SLC2A14: variants seen among roughly 807,000 people sequenced by gnomAD.
SLC2A14 encodes the protein solute carrier family 2, facilitated glucose transporter member 14.
Under a neutral mutation model 43.0 loss-of-function variants are expected in SLC2A14, and 13 were observed. That is an observed-to-expected ratio of 0.30 (90% CI 0.20 to 0.48). SLC2A14 has a LOEUF of 0.48. Ranked by LOEUF, SLC2A14 falls within the 20% of genes least tolerant of loss-of-function variation. SLC2A14 has a pLI of 0.99. For synonymous variants in SLC2A14, 190 were observed against 233.8 expected (o/e 0.81, Z 1.71); for missense variants, 428 against 620.4 (o/e 0.69, Z 3.29).
At chr12:7,867,235 CGT>C (rs1170123573) in intron 2 of SLC2A14, among the ~76,000 whole-genome samples, 3 of 140,446 alleles carry the variant, frequency 2.1e-5, no homozygotes, top group African/African-American at 7.9e-5. Context: ...GCGGAGATCT[CGT>C]GCCACTGCAC....
chr12:7,858,498 T>G (rs1176155065), intron 2 of SLC2A14, among the ~76,000 whole-genome samples: 1 of 152,144 alleles, frequency 6.6e-6, no homozygotes, highest in Non-Finnish European at 1.5e-5. Context: ...AATTTTAATT[T>G]TCTTTTCTTT....
At chr12:7,874,788 A>ATATATAAATACATATATAAATACGTATTT (rs1945393959), upstream of SLC2A14, among the ~76,000 whole-genome samples, 2 of 48,856 alleles carry the variant, frequency 4.1e-5, no homozygotes, top group African/African-American at 1.3e-4. Flanking sequence ...TAAATATATA[A>ATATATAAATACATATATAAATACGTATTT]ATATATAAAT....
At chr12:7,880,408 G>A (rs1945545880) in intron 1 of SLC2A14, among the ~76,000 whole-genome samples, 1 of 151,650 alleles carries the variant, frequency 6.6e-6, no homozygotes, top group African/African-American at 2.4e-5. Context: ...CCAGGAGGCG[G>A]AGGTTGTAGT....
chr12:7,881,412 G>C (rs1945569829), intron 1 of SLC2A14, among the ~76,000 whole-genome samples: 1 of 152,000 alleles, frequency 6.6e-6, no homozygotes, highest in African/African-American at 2.4e-5. Context: ...GGCAATGAGG[G>C]ATTTAGCACC....
chr12:7,845,244 G>A (rs191178358), intron 2 of SLC2A14, among the ~76,000 whole-genome samples: 42 of 152,242 alleles, frequency 2.8e-4, no homozygotes, highest in African/African-American at 9.9e-4. Flanking sequence ...AAAGAAAGGG[G>A]TCAATGGATA....
chr12:7,831,546 C>T, intron 4 of SLC2A14, 58 bp downstream of exon 4: 1 of 1,605,816 alleles, frequency 6.2e-7, no homozygotes, highest in South Asian at 1.1e-5. Context: ...TAACTCTCCA[C>T]ACTTGTCCCC....
At chr12:7,839,853 C>T (rs1865778216) in intron 2 of SLC2A14, 2 of 437,104 alleles carry the variant, frequency 4.6e-6, no homozygotes, top group Non-Finnish European at 8.9e-6. Flanking sequence ...GCGGGAGGAT[C>T]GCTTGAGTCC....
At chr12:7,875,521 T>TA (rs923723403), upstream of SLC2A14, among the ~76,000 whole-genome samples, 2 of 150,604 alleles carry the variant, frequency 1.3e-5, no homozygotes, top group African/African-American at 2.4e-5. Context: ...AAAAAAAAAT[T>TA]AAAAAAAATT....
intron 2 of SLC2A14, among the ~76,000 whole-genome samples, chr12:7,838,382 G>A (rs1010485137): frequency 1.3e-5 from 2 of 151,962 alleles, no homozygotes; most frequent in Admixed American, 6.6e-5. Context: ...CAACGTGCCC[G>A]GTCCACAATT....
chr12:7,884,054 G>C (rs1287694308), intron 1 of SLC2A14, among the ~76,000 whole-genome samples: 2 of 151,852 alleles, frequency 1.3e-5, no homozygotes, highest in Non-Finnish European at 2.9e-5. Flanking sequence ...CTCCCAAGTA[G>C]CTGGGACTAC....
chr12:7,874,726 A>AT (rs1491500504), upstream of SLC2A14, among the ~76,000 whole-genome samples: 38 of 8,484 alleles, frequency 4.5e-3, no homozygotes, highest in South Asian at 0.068. Context: ...ATAAATATAT[A>AT]AAAAATATAT....
At chr12:7,882,254 G>C (rs903017410) in intron 1 of SLC2A14, among the ~76,000 whole-genome samples, 6 of 151,800 alleles carry the variant, frequency 4.0e-5, no homozygotes, top group African/African-American at 1.5e-4. Context: ...CAGACGGGTT[G>C]CCTTAAGAGA....
At chr12:7,891,137 A>G (rs757775694) in exon 1 of SLC2A14, 1 of 1,531,842 alleles carries the variant, frequency 6.5e-7, no homozygotes, top group African/African-American at 1.4e-5. Context: ...TTGTGAACAA[A>G]AGTCAGGTTG....
Position 7,823,359 on chromosome 12 carries a change from G to A in SLC2A14, c.865-2034C>T, listed in dbSNP as rs759984418. On this transcript the variant is annotated intron_variant, in intron 7 of 10. Coordinates refer to ENST00000431042, the MANE Select transcript of SLC2A14 (RefSeq NM_001286234.2). ...GATTGTGCCACTGCACTCTAGCCTG[G>A]GCAACAGAGCGAGACTCCATATCAA... Among the ~76,000 whole-genome samples the A allele has an allele frequency of 2.0e-5, 3 of 150,506 alleles. No homozygotes were observed. The South Asian group carries it at 6.3e-4, about 32-fold the overall frequency.
intron 2 of SLC2A14, among the ~76,000 whole-genome samples, chr12:7,846,136 A>G (rs1693915264): frequency 6.6e-6 from 1 of 151,958 alleles, no homozygotes; most frequent in Non-Finnish European, 1.5e-5. Context: ...TAGAAATGCA[A>G]ACTCAAGCCC....
chr12:7,878,995 A>C lies in SLC2A14; in HGVS notation c.132+12001T>G, dbSNP rs760128018. Among the ~76,000 whole-genome samples, 123 of 126,248 alleles carry C rather than the reference A, an allele frequency of 9.7e-4. 2 individuals are homozygous for C. The highest frequency in any genetic ancestry group is 3.4e-3 in the African/African-American group (115 of 33,868). The allele number at this position is 126,248 out of a possible 152,430, so 82.8% of individuals were successfully genotyped here. A position where few individuals can be genotyped will look rare whatever the true frequency, so the allele number is the denominator to read the frequency against. ...CCGTCTCAAAAAAAAAAAAAAAAAA[A>C]AAAAAAAAAACAATTTGTCTTTCTT... On this transcript the variant is annotated intron_variant, in intron 1 of 9. Transcript: ENST00000539924.
chr12:7,814,793 GTAT>G (rs755496466), intron 10 of SLC2A14, among the ~76,000 whole-genome samples: 20 of 150,914 alleles, frequency 1.3e-4, no homozygotes, highest in South Asian at 4.2e-4. Context: ...GGACTTTTGA[GTAT>G]TATTATTATT....
At chr12:7,878,612 C>T (rs1208041417) in intron 1 of SLC2A14, among the ~76,000 whole-genome samples, 2 of 151,882 alleles carry the variant, frequency 1.3e-5, no homozygotes, top group African/African-American at 2.4e-5. Flanking sequence ...TATATTTGTA[C>T]TCTTGCTAAC....
At chr12:7,891,061 G>A in exon 1 of SLC2A14, 1 of 1,535,134 alleles carries the variant, frequency 6.5e-7, no homozygotes. Flanking sequence ...AAAAAGAAAT[G>A]CCGCATTTCA....
Sources: gnomAD v4.1 joint callset for allele counts (sites outside exome capture counted in the v4.1 genomes callset) on GRCh38, gnomAD v4.1.1 for gene constraint, MANE v1.5 for transcripts, NCBI Gene and HGNC (gene_info 2026-07-23, HGNC 2026-07-21) for gene names.